The following CACNG3 variants were observed in gnomAD, a reference collection of about 807,000 sequenced individuals.
The protein encoded by CACNG3 is calcium voltage-gated channel auxiliary subunit gamma 3, also known as voltage-dependent calcium channel gamma-3 subunit.
A neutral mutation model predicts 28.5 loss-of-function variants in CACNG3; 3 were observed. The observed-to-expected ratio is 0.11, with a 90% CI of 0.05 to 0.27. CACNG3 has a LOEUF of 0.27. CACNG3 is among the 10% of genes least tolerant of loss of function. CACNG3 has a pLI of 1.00. For missense variants in CACNG3, 236 were observed against 414.4 expected (o/e 0.57, Z 3.74); for synonymous variants, 174 against 162.2 (o/e 1.07, Z -0.55).
intron 1 of CACNG3, among the ~76,000 whole-genome samples, chr16:24,283,230 C>T (rs1297176146): frequency 1.3e-5 from 2 of 152,092 alleles, no homozygotes; most frequent in African/African-American, 2.4e-5. Context: ...TCTAACTATT[C>T]TGTCTCATTG....
At chr16:24,293,350 A>G (rs1898989929) in intron 1 of CACNG3, among the ~76,000 whole-genome samples, 1 of 152,050 alleles carries the variant, frequency 6.6e-6, no homozygotes, top group Admixed American at 6.6e-5. Flanking sequence ...TCTGATGTTC[A>G]TCCTCTGGTT....
At position 24,305,320 on chromosome 16, in the gene CACNG3, A is replaced by ATGTGTGTG. The variant is rs57584370; in HGVS notation, c.212-41374_212-41367dup. Among the ~76,000 whole-genome samples, 132 of 136,212 alleles carry ATGTGTGTG rather than the reference A, an allele frequency of 9.7e-4. 1 individual carries two copies. The highest frequency in any genetic ancestry group is 1.7e-3 in the Admixed American group (22 of 12,714). The allele number at this position is 136,212 out of a possible 152,430, so 89.4% of individuals were successfully genotyped here. A position where few individuals can be genotyped will look rare whatever the true frequency, so the allele number is the denominator to read the frequency against. On this transcript the variant is annotated intron_variant, in intron 1 of 3. Transcript: ENST00000005284. ...TATATACAAACTTATATACATAAATATGTGTGTGTGTGTGTGTGTGTGTGT... is the reference window on the plus strand; with the variant it reads ...TATATACAAACTTATATACATAAATATGTGTGTGTGTGTGTGTGTGTGTGTGTGTGTGT...
chr16:24,289,644 A>T (rs1464094475), intron 1 of CACNG3, among the ~76,000 whole-genome samples: 1 of 152,164 alleles, frequency 6.6e-6, no homozygotes, highest in Non-Finnish European at 1.5e-5. Flanking sequence ...TCACTCTGAG[A>T]GATGCTCTGG....
intron 3 of CACNG3, among the ~76,000 whole-genome samples, chr16:24,357,507 G>A (rs887273140): frequency 1.3e-5 from 2 of 152,116 alleles, no homozygotes; most frequent in African/African-American, 4.8e-5. Flanking sequence ...GATCTTGCTC[G>A]AATTCCTTCC....
At chr16:24,300,272 G>A (rs890325220) in intron 1 of CACNG3, among the ~76,000 whole-genome samples, 10 of 152,108 alleles carry the variant, frequency 6.6e-5, no homozygotes, top group Admixed American at 1.3e-4. Flanking sequence ...TAGACCTCAT[G>A]GGGGAGACAG....
chr16:24,335,671 T>C (rs1899693415), intron 1 of CACNG3, among the ~76,000 whole-genome samples: 1 of 152,182 alleles, frequency 6.6e-6, no homozygotes, highest in South Asian at 2.1e-4. Flanking sequence ...GCTCATCCTA[T>C]GACCAACAAT....
At chr16:24,333,051 T>A (rs529193592) in intron 1 of CACNG3, among the ~76,000 whole-genome samples, 39 of 152,312 alleles carry the variant, frequency 2.6e-4, no homozygotes, top group African/African-American at 9.1e-4. Flanking sequence ...CAGGAGCCCT[T>A]AGGAAAACTG....
chr16:24,287,450 G>C (rs138125810), intron 1 of CACNG3, among the ~76,000 whole-genome samples: 1 of 150,254 alleles, frequency 6.7e-6, no homozygotes, highest in Non-Finnish European at 1.5e-5. Context: ...CCCAAGAGGC[G>C]GAGGTTGCAG....
chr16:24,302,942 G>C (rs1899134311), intron 1 of CACNG3, among the ~76,000 whole-genome samples: 1 of 151,738 alleles, frequency 6.6e-6, no homozygotes, highest in South Asian at 2.1e-4. Flanking sequence ...TTACAGGCAT[G>C]AGCCTCTGAA....
intron 1 of CACNG3, among the ~76,000 whole-genome samples, chr16:24,286,723 T>C (rs1321010216): frequency 6.6e-6 from 1 of 152,216 alleles, no homozygotes; most frequent in Non-Finnish European, 1.5e-5. Flanking sequence ...ATCCTTATTT[T>C]ACAAAAGTGG....
chr16:24,339,717 T>A, intron 1 of CACNG3, among the ~76,000 whole-genome samples: 1 of 152,206 alleles, frequency 6.6e-6, no homozygotes, highest in South Asian at 2.1e-4. Flanking sequence ...ACTAATTCTA[T>A]CACCTGGAAA....
At chr16:24,348,276 A>G (rs1899896319) in intron 2 of CACNG3, among the ~76,000 whole-genome samples, 1 of 151,804 alleles carries the variant, frequency 6.6e-6, no homozygotes, top group African/African-American at 2.4e-5. Flanking sequence ...GGTAGTGCAC[A>G]CCCTTAGTCC....
intron 1 of CACNG3, among the ~76,000 whole-genome samples, chr16:24,272,509 T>C (rs1311686255): frequency 6.6e-6 from 1 of 152,132 alleles, no homozygotes; most frequent in African/African-American, 2.4e-5. Context: ...TCATGCACAT[T>C]ATTTTATAAT....
intron 1 of CACNG3, among the ~76,000 whole-genome samples, chr16:24,298,323 G>A (rs900464263): frequency 1.3e-5 from 2 of 151,834 alleles, no homozygotes; most frequent in Non-Finnish European, 2.9e-5. Flanking sequence ...AATATTTCAT[G>A]GTATAATGTA....
intron 1 of CACNG3, among the ~76,000 whole-genome samples, chr16:24,335,838 G>C (rs543138029): frequency 6.6e-6 from 1 of 152,216 alleles, no homozygotes; most frequent in East Asian, 1.9e-4. Flanking sequence ...ACTTTGAGAG[G>C]CCAAGGCAGG....
At chr16:24,344,589 C>T (rs1219275018) in intron 1 of CACNG3, among the ~76,000 whole-genome samples, 1 of 151,918 alleles carries the variant, frequency 6.6e-6, no homozygotes, top group African/African-American at 2.4e-5. Context: ...GTCTTTTTTT[C>T]CCAATATCAG....
intron 1 of CACNG3, among the ~76,000 whole-genome samples, chr16:24,302,511 G>A (rs1194001046): frequency 6.6e-6 from 1 of 152,022 alleles, no homozygotes; most frequent in Non-Finnish European, 1.5e-5. Flanking sequence ...CTGGAGTGCA[G>A]TGGCATCATC....
intron 1 of CACNG3, among the ~76,000 whole-genome samples, chr16:24,323,485 TA>T (rs1218336411): frequency 6.6e-6 from 1 of 152,148 alleles, no homozygotes; most frequent in Non-Finnish European, 1.5e-5. Context: ...ACACCTATTT[TA>T]AACAAAGAAA....
intron 1 of CACNG3, among the ~76,000 whole-genome samples, chr16:24,278,180 T>C (rs756313890): frequency 1.3e-5 from 2 of 152,114 alleles, no homozygotes; most frequent in African/African-American, 4.8e-5. Context: ...ATCTGGGAAA[T>C]GCACATTTGG....
Sources: gnomAD v4.1 joint callset for allele counts (sites outside exome capture counted in the v4.1 genomes callset) on GRCh38, gnomAD v4.1.1 for gene constraint, MANE v1.5 for transcripts, NCBI Gene and HGNC (gene_info 2026-07-23, HGNC 2026-07-21) for gene names.